The following FUT8 variants were observed in gnomAD, a reference collection of about 807,000 sequenced individuals.
FUT8 encodes alpha-(1,6)-fucosyltransferase.
Under a neutral mutation model 71.3 loss-of-function variants are expected in FUT8, and 29 were observed. The observed-to-expected ratio is 0.41, with a 90% CI of 0.30 to 0.55. The LOEUF is 0.55. Ranked by LOEUF, FUT8 falls within the 20% of genes least tolerant of loss-of-function variation. The probability of loss-of-function intolerance (pLI) is 0.34; values close to 1 mark genes in which losing one functional copy is unlikely to be tolerated. For missense variants in FUT8, 544 were observed against 702.1 expected (o/e 0.77, Z 2.55); for synonymous variants, 254 against 239.3 (o/e 1.06, Z -0.57).
chr14:65,739,559 C>A (rs1447472061), intron 10 of FUT8, among the ~76,000 whole-genome samples: 1 of 151,920 alleles, frequency 6.6e-6, no homozygotes, highest in Non-Finnish European at 1.5e-5. Context: ...GGAAACACAT[C>A]ACGGTTCATT....
chr14:65,439,954 G>GTGTGTACGTATATATATATA, intron 1 of FUT8, among the ~76,000 whole-genome samples: 7 of 74,974 alleles, frequency 9.3e-5, no homozygotes, highest in Non-Finnish European at 1.7e-4. Flanking sequence ...GTGTGTGTGT[G>GTGTGTACGTATATATATATA]TATATATATA....
chr14:65,492,608 T>C (rs1223676353), intron 2 of FUT8, among the ~76,000 whole-genome samples: 3 of 152,152 alleles, frequency 2.0e-5, no homozygotes, highest in African/African-American at 7.2e-5. Context: ...TTGCAGATTG[T>C]TCATTGTTCA....
chr14:65,567,064 A>T (rs1886234677), intron 3 of FUT8, among the ~76,000 whole-genome samples: 1 of 151,998 alleles, frequency 6.6e-6, no homozygotes, highest in African/African-American at 2.4e-5. Flanking sequence ...TGCTTAATTG[A>T]CAACTTTCCT....
intron 3 of FUT8, among the ~76,000 whole-genome samples, chr14:65,593,299 A>G (rs1887789315): frequency 6.6e-6 from 1 of 152,236 alleles, no homozygotes; most frequent in Admixed American, 6.5e-5. Flanking sequence ...GTAATAAAGA[A>G]TAATATAACT....
intron 6 of FUT8, among the ~76,000 whole-genome samples, chr14:65,644,185 G>A (rs1891004561): frequency 6.6e-6 from 1 of 152,120 alleles, no homozygotes; most frequent in Non-Finnish European, 1.5e-5. Flanking sequence ...GCAGATTCAG[G>A]TTTGGGGGAG....
At chr14:65,588,594 T>A (rs996075957) in intron 3 of FUT8, among the ~76,000 whole-genome samples, 4 of 152,178 alleles carry the variant, frequency 2.6e-5, no homozygotes, top group African/African-American at 4.8e-5. Flanking sequence ...GGCAATTTTT[T>A]AAAAATGAGT....
chr14:65,493,838 G>T (rs1047283830), intron 2 of FUT8, among the ~76,000 whole-genome samples: 8 of 151,788 alleles, frequency 5.3e-5, no homozygotes, highest in Non-Finnish European at 1.0e-4. Context: ...GGAAATAAAA[G>T]ATTAACATTT....
intron 7 of FUT8, among the ~76,000 whole-genome samples, chr14:65,720,994 G>T (rs1465801044): frequency 1.3e-5 from 2 of 152,146 alleles, no homozygotes; most frequent in Non-Finnish European, 2.9e-5. Flanking sequence ...CAGATTCTTT[G>T]CACCACACGG....
chr14:65,627,510 A>G lies in FUT8; in HGVS notation c.483-1982A>G, dbSNP rs1889960796. 6.6e-6 allele frequency among the ~76,000 whole-genome samples: 1 copy of G among 152,174 alleles called. No individual in the cohort carries two copies. Among genetic ancestry groups the G allele is most frequent in the African/African-American group, 2.4e-5 (1 of 41,434 alleles). On this transcript the variant is annotated intron_variant, in intron 5 of 10. Transcript: ENST00000673929. This position sits in a 1 kb window ranked among gnomAD's most constrained non-coding sequence, Gnocchi z 4.0. ...TGACCATTGACTTGGGCCTGTATATATTGCTATGGTTCCGGGGTTTGCATT... is the reference window on the plus strand; with the variant it reads ...TGACCATTGACTTGGGCCTGTATATGTTGCTATGGTTCCGGGGTTTGCATT...
intron 1 of FUT8, among the ~76,000 whole-genome samples, chr14:65,426,121 C>T (rs1231490208): frequency 1.3e-5 from 2 of 152,146 alleles, no homozygotes; most frequent in Non-Finnish European, 2.9e-5. Flanking sequence ...TTCCTCCTCA[C>T]CCCAGCCCTT....
intron 3 of FUT8, among the ~76,000 whole-genome samples, chr14:65,606,665 C>T (rs1285745414): frequency 6.6e-6 from 1 of 151,868 alleles, no homozygotes; most frequent in Non-Finnish European, 1.5e-5. Flanking sequence ...TCTTATCTGG[C>T]TTTGTGCCAA....
chr14:65,616,166 AT>A (rs1469315556), intron 4 of FUT8, 44 bp from the exon 5 acceptor site: 2 of 1,595,974 alleles, frequency 1.3e-6, no homozygotes, highest in African/African-American at 2.7e-5. Context: ...GTTTCCTTTT[AT>A]CAAAATGTTG....
chr14:65,666,507 C>G (rs1892225511), intron 6 of FUT8, among the ~76,000 whole-genome samples: 1 of 152,088 alleles, frequency 6.6e-6, no homozygotes, highest in South Asian at 2.1e-4. Flanking sequence ...CTGAACAGAC[C>G]AATAACAAGT....
intron 2 of FUT8, among the ~76,000 whole-genome samples, chr14:65,551,363 G>T (rs1422887749): frequency 2.0e-5 from 3 of 152,182 alleles, no homozygotes; most frequent in Non-Finnish European, 4.4e-5. Context: ...GAATAATTGA[G>T]CTATATCTAT....
chr14:65,670,486 A>G (rs187757893), intron 7 of FUT8, among the ~76,000 whole-genome samples: 1 of 152,270 alleles, frequency 6.6e-6, no homozygotes, highest in East Asian at 1.9e-4. Context: ...ATGAGTGCCT[A>G]CAGTGTGACA....
chr14:65,638,681 CT>C lies in FUT8; in HGVS notation c.597+9076del, dbSNP rs1429510662. On this transcript the variant is annotated intron_variant, in intron 6 of 10. Transcript: ENST00000673929. This position sits in a 1 kb window ranked among gnomAD's most constrained non-coding sequence, Gnocchi z 4.5. The stretch of plus-strand genomic sequence containing the variant: ...CCCCTCACTCCAACACAGGATTTGC[CT>C]GATCTCATTTTTCTTTGACAGGACT... Among the ~76,000 whole-genome samples the C allele has an allele frequency of 6.6e-6, 1 of 152,100 alleles. No homozygotes were observed. The highest frequency in any genetic ancestry group is 1.9e-4 in the East Asian group (1 of 5,196).
chr14:65,404,995 C>T, the FUT8 span, among the ~76,000 whole-genome samples: 23 of 152,044 alleles, frequency 1.5e-4, no homozygotes, highest in Non-Finnish European at 3.1e-4. Context: ...ATGAGCAATC[C>T]AGGATTGGCG....
intron 7 of FUT8, among the ~76,000 whole-genome samples, chr14:65,712,073 T>C (rs1289740415): frequency 6.6e-6 from 1 of 152,240 alleles, no homozygotes; most frequent in Non-Finnish European, 1.5e-5. Flanking sequence ...TTCATTATAG[T>C]CAGAGACATC....
chr14:65,587,199 A>C (rs935149905), intron 3 of FUT8, among the ~76,000 whole-genome samples: 2 of 151,966 alleles, frequency 1.3e-5, no homozygotes, highest in African/African-American at 2.4e-5. Context: ...AAAAAAAAAA[A>C]AAACAAAAAA....
Sources: allele counts gnomAD v4.1 joint callset (sites outside exome capture counted in the v4.1 genomes callset), GRCh38; gene constraint gnomAD v4.1.1; non-coding constraint Gnocchi (gnomAD v3.1); transcripts MANE v1.5; gene names NCBI Gene and HGNC (gene_info 2026-07-23, HGNC 2026-07-21).